The following CPLX1 variants were observed in gnomAD, a reference collection of about 807,000 sequenced individuals.
CPLX1 encodes the protein complexin-1.
A neutral mutation model predicts 15.6 loss-of-function variants in CPLX1; 6 were observed. The observed-to-expected ratio is 0.39, with a 90% confidence interval of 0.21 to 0.76. The LOEUF is 0.76. Among genes scored for constraint, CPLX1 ranks in the 30% least tolerant of loss-of-function variants. The probability of loss-of-function intolerance (pLI) is 0.43; values close to 1 mark genes in which losing one functional copy is unlikely to be tolerated. For missense variants in CPLX1, 242 were observed against 188.6 expected, an observed-to-expected ratio of 1.28 and a Z score of -1.66; for synonymous variants, 91 against 75.2, an observed-to-expected ratio of 1.21 and a Z score of -1.08.
chr4:799,513 G>A (rs1746411198), intron 2 of CPLX1, among the ~76,000 whole-genome samples: 1 of 152,186 alleles, frequency 6.6e-6, no homozygotes, highest in Admixed American at 6.5e-5. Flanking sequence ...TCCTATCCTT[G>A]GGACCCTTCA....
At chr4:796,920 G>C (rs1190750115) in intron 2 of CPLX1, among the ~76,000 whole-genome samples, 2 of 152,148 alleles carry the variant, frequency 1.3e-5, no homozygotes, top group Non-Finnish European at 1.5e-5. Flanking sequence ...GACAGACAAC[G>C]GGCCCAGAGT....
chr4:790,493 G>A (rs1010559846), intron 3 of CPLX1, among the ~76,000 whole-genome samples: 54 of 152,142 alleles, frequency 3.5e-4, no homozygotes, highest in African/African-American at 1.3e-3. Flanking sequence ...GTCTCTGGAG[G>A]GTGCAGCTGC....
chr4:820,506 GA>G (rs1248584064), intron 2 of CPLX1, among the ~76,000 whole-genome samples: 5 of 152,218 alleles, frequency 3.3e-5, no homozygotes, highest in African/African-American at 7.2e-5. Context: ...ATCAGGGCAG[GA>G]TTGCCCAGAT....
Position 787,904 on chromosome 4 carries a change from G to T in CPLX1, c.208-1206C>A, listed in dbSNP as rs1746049979. 4 of 985,412 alleles carry T rather than the reference G, an allele frequency of 4.1e-6. 1 individual carries two copies. 61.0% of individuals were successfully genotyped at this position (985,412 alleles called of 1,614,324 possible). On this transcript the variant is annotated intron_variant, in intron 3 of 3. Transcript: ENST00000304062. ...GGGGTTGGGCTGGCCTGGAAGGATT[G>T]GGGGCCTGGTGTTGTACGGAGCTGG...
intron 2 of CPLX1, among the ~76,000 whole-genome samples, chr4:809,748 G>T (rs1457786746): frequency 6.6e-6 from 1 of 152,236 alleles, no homozygotes; most frequent in Non-Finnish European, 1.5e-5. Flanking sequence ...ATGGTGGCCT[G>T]TGTGGCCCCT....
intron 2 of CPLX1, among the ~76,000 whole-genome samples, chr4:794,314 G>A (rs779400155): frequency 3.3e-5 from 5 of 152,262 alleles, no homozygotes; most frequent in Admixed American, 2.0e-4. Context: ...CACAGGCAGT[G>A]GGGTGTGGGG....
At chr4:788,521 G>C in intron 3 of CPLX1, 1 of 985,486 alleles carries the variant, frequency 1.0e-6, no homozygotes, top group Non-Finnish European at 1.2e-6. Context: ...GTGAAACGAA[G>C]AGCACAGGGT....
intron 3 of CPLX1, 108 bp downstream of exon 3, chr4:792,325 G>T: frequency 9.3e-7 from 1 of 1,070,908 alleles, no homozygotes; most frequent in Non-Finnish European, 1.3e-6. Context: ...AGGAGGCCCA[G>T]GGGGACGCCC....
intron 3 of CPLX1, chr4:787,597 G>C: frequency 2.4e-6 from 2 of 841,918 alleles, no homozygotes; most frequent in South Asian, 1.1e-4. Context: ...GAGGTCGCGA[G>C]TGGTCAAGAA....
rs965645172 is a variant in CPLX1, at chr4:815,240, G to A, written c.31+9252C>T. ...AGCCTGGCCAACATGGTGAAACCCCGTCTCTACTAAAAATACAAAAATTAG... is the reference window on the plus strand; with the variant it reads ...AGCCTGGCCAACATGGTGAAACCCCATCTCTACTAAAAATACAAAAATTAG... On this transcript the variant is annotated intron_variant, in intron 2 of 3. Coordinates refer to ENST00000304062, the MANE Select transcript of CPLX1 (RefSeq NM_006651.4). Among the ~76,000 whole-genome samples, 76 of 151,722 alleles carry A rather than the reference G, an allele frequency of 5.0e-4. 1 individual carries two copies. Among genetic ancestry groups the A allele is most frequent in the Admixed American group, 4.9e-3 (74 of 15,242 alleles).
At chr4:791,426 C>T (rs1405090249) in intron 3 of CPLX1, among the ~76,000 whole-genome samples, 5 of 152,126 alleles carry the variant, frequency 3.3e-5, no homozygotes, top group Admixed American at 2.6e-4. Flanking sequence ...TTGGGTACAG[C>T]GGCTGCATGT....
At chr4:805,553 A>G (rs982707730) in intron 2 of CPLX1, among the ~76,000 whole-genome samples, 1 of 152,244 alleles carries the variant, frequency 6.6e-6, no homozygotes, top group Non-Finnish European at 1.5e-5. Flanking sequence ...CTGTTCCTCA[A>G]AAAATTAAAC....
At chr4:822,315 C>T (rs577404845) in intron 2 of CPLX1, among the ~76,000 whole-genome samples, 2 of 151,850 alleles carry the variant, frequency 1.3e-5, no homozygotes, top group South Asian at 2.1e-4. Flanking sequence ...ATCCCTCTGT[C>T]TCTCCCTCTG....
chr4:786,347 C>G lies in CPLX1; in HGVS notation c.*154G>C, dbSNP rs944697891. 7.9e-6 allele frequency: 6 copies of G among 760,704 alleles called. No individual in the cohort carries two copies. The highest frequency in any genetic ancestry group is 1.1e-5 in the Non-Finnish European group (6 of 525,394). 47.1% of individuals were successfully genotyped at this position (760,704 alleles called of 1,614,324 possible). On this transcript the variant is annotated 3_prime_UTR_variant, in exon 4 of 4. Coordinates refer to ENST00000304062, the MANE Select transcript of CPLX1 (RefSeq NM_006651.4). ...GGTCCTGGGGGCGCGCGCCCCTTGC[C>G]GGGTGAGGGAGGCGGCGGGCGCGGG...
Position 785,758 on chromosome 4 carries a change from C to A in CPLX1, c.*743G>T, listed in dbSNP as rs1382058629. 6.6e-6 allele frequency: 1 copy of A among 152,386 alleles called. No individual in the cohort carries two copies. The highest frequency in any genetic ancestry group is 2.4e-5 in the African/African-American group (1 of 41,442). The allele number at this position is 152,386 out of a possible 1,614,324, so 9.4% of individuals were successfully genotyped here. A position where few individuals can be genotyped will look rare whatever the true frequency, so the allele number is the denominator to read the frequency against. On this transcript the variant is annotated 3_prime_UTR_variant, in exon 4 of 4. Transcript: ENST00000304062. ...TTCAATGGCCGAGGGCAGGGGTCCT[C>A]CCCAGGGAGAAGCAGCAGCCGCGTG... is the stretch of plus-strand genomic sequence containing the variant.
At position 792,443 on chromosome 4, in the gene CPLX1, A is replaced by T. The variant is rs1025139736; in HGVS notation, c.197T>A (p.Ile66Asn). The T allele has an allele frequency of 6.3e-7, 1 of 1,589,620 alleles. No homozygotes were observed. The highest frequency in any genetic ancestry group is 2.3e-5 in the East Asian group (1 of 43,828). Residue 66 changes from isoleucine to asparagine, a missense_variant, in exon 3 of 4, where the codon ATC becomes AAC. Coordinates refer to ENST00000304062, the MANE Select transcript of CPLX1 (RefSeq NM_006651.4). The part of the protein sequence containing the change: ...EAEREAVRQG[I>N]RDKYGIKKKE... Reference sequence around the variant, plus strand: ...CGGCCCGGCGCGCACCTTGTCTCGGATGCCCTGGCGCACGGCCTCGCGCTC... The same window carrying T: ...CGGCCCGGCGCGCACCTTGTCTCGGTTGCCCTGGCGCACGGCCTCGCGCTC...
At chr4:788,756 C>CAG (rs35375974) in intron 3 of CPLX1, among the ~76,000 whole-genome samples, 48,712 of 152,062 alleles carry the variant, frequency 0.32, 9,025 homozygotes, top group African/African-American at 0.51. Flanking sequence ...TAGGTCCGGC[C>CAG]AGAGAGCCTC....
intron 2 of CPLX1, among the ~76,000 whole-genome samples, chr4:813,802 C>T (rs777604824): frequency 6.6e-6 from 1 of 152,154 alleles, no homozygotes; most frequent in East Asian, 1.9e-4. Context: ...CTGACCTGTG[C>T]GGATTCCCAA....
intron 2 of CPLX1, among the ~76,000 whole-genome samples, chr4:818,015 G>A (rs1053932413): frequency 1.3e-5 from 2 of 152,246 alleles, no homozygotes; most frequent in Non-Finnish European, 1.5e-5. Flanking sequence ...TCATCCCTGA[G>A]CGCATTGGGC....
Sources: gnomAD v4.1 joint callset for allele counts (sites outside exome capture counted in the v4.1 genomes callset) on GRCh38, gnomAD v4.1.1 for gene constraint, MANE v1.5 for transcripts, NCBI Gene and HGNC (gene_info 2026-07-23, HGNC 2026-07-21) for gene names.